Variants in EIF2AK4 observed in about 807,000 individuals in gnomAD.
EIF2AK4 encodes eIF-2-alpha kinase GCN2.
A neutral mutation model predicts 211.1 loss-of-function variants in EIF2AK4; 139 were observed. The observed-to-expected ratio is 0.66, with a 90% CI of 0.57 to 0.76. EIF2AK4 has a LOEUF of 0.76. Among genes scored for constraint, EIF2AK4 ranks in the 30% least tolerant of loss-of-function variants. The probability of loss-of-function intolerance (pLI) is 0.00; values close to 1 mark genes in which losing one functional copy is unlikely to be tolerated. For synonymous variants in EIF2AK4, 710 were observed against 751.3 expected (o/e 0.94, Z 0.90); for missense variants, 1,664 against 2,043.8 (o/e 0.81, Z 3.58).
At chr15:39,977,762 T>C (rs1313550335) in intron 12 of EIF2AK4, 1 of 184,266 alleles carries the variant, frequency 5.4e-6, no homozygotes, top group African/African-American at 2.3e-5. Context: ...CTAAATTTTA[T>C]GCTTCTCAGA....
At chr15:40,002,673 T>C in intron 21 of EIF2AK4, 40 bp from the exon 22 acceptor site, 1 of 1,604,188 alleles carries the variant, frequency 6.2e-7, no homozygotes, top group Non-Finnish European at 8.5e-7. Context: ...ATCCCTTTGA[T>C]AAGGCTTCAA....
At chr15:40,003,656 C>G (rs1437779867) in intron 23 of EIF2AK4, among the ~76,000 whole-genome samples, 2 of 152,200 alleles carry the variant, frequency 1.3e-5, no homozygotes, top group Non-Finnish European at 2.9e-5. Flanking sequence ...TTTTAACTTC[C>G]TGGCTAGATC....
At chr15:39,974,261 G>A (rs572471829) in intron 11 of EIF2AK4, 2 of 152,312 alleles carry the variant, frequency 1.3e-5, no homozygotes, top group African/African-American at 4.8e-5. Context: ...TCCTTTCTTC[G>A]TTCTAGTCTA....
At chr15:39,950,701 T>C (rs1178661691) in intron 4 of EIF2AK4, among the ~76,000 whole-genome samples, 1 of 152,144 alleles carries the variant, frequency 6.6e-6, no homozygotes, top group Non-Finnish European at 1.5e-5. Context: ...AATGTACTTA[T>C]TTTGATCCTT....
In EIF2AK4 at chr15:39,967,732, A is replaced by G. The variant is rs375720910; in HGVS notation, c.1406A>G (p.Asn469Ser). 1.9e-6 allele frequency: 3 copies of G among 1,614,158 alleles called. No homozygotes were observed. In the South Asian group the frequency reaches 3.3e-5, roughly 18 times the overall value. Reference protein sequence around the residue: ...FEQTRVRFSDNALPYKTGKKG... With the variant: ...FEQTRVRFSDSALPYKTGKKG... ...CAAACCCGAGTTCGTTTTAGTGACA[A>G]TGCTCTGCCTTATAAAACGGGGAAG... Residue 469 changes from asparagine (N) to serine (S), a missense_variant, in exon 9 of 39, where the codon AAT becomes AGT. Physicochemically the swap from Asn to Ser is conservative, Grantham distance 46. Coordinates refer to ENST00000263791, the MANE Select transcript of EIF2AK4 (RefSeq NM_001013703.4).
chr15:39,968,873 G>GATATATATATAT (rs376138307), intron 9 of EIF2AK4, among the ~76,000 whole-genome samples: 2,005 of 147,090 alleles, frequency 0.014, 16 homozygotes, highest in Middle Eastern at 0.035. Flanking sequence ...AAGTGAATAT[G>GATATATATATAT]ATATATATAT....
intron 6 of EIF2AK4, among the ~76,000 whole-genome samples, chr15:39,956,616 C>A (rs932676069): frequency 1.3e-5 from 2 of 152,204 alleles, no homozygotes; most frequent in African/African-American, 4.8e-5. Context: ...ACTACTTGTT[C>A]TTCTATATCT....
intron 18 of EIF2AK4, 59 bp downstream of exon 18, chr15:39,992,907 A>C: frequency 4.5e-6 from 7 of 1,540,176 alleles, no homozygotes; most frequent in Non-Finnish European, 4.5e-6. Context: ...CATCTAGATC[A>C]CAGCATTTGG....
At chr15:39,938,468 C>T (rs537929492) in intron 1 of EIF2AK4, among the ~76,000 whole-genome samples, 54 of 152,282 alleles carry the variant, frequency 3.5e-4, no homozygotes, top group African/African-American at 1.2e-3. Flanking sequence ...GTAAGGTTCA[C>T]GTTATAAATT....
chr15:40,014,894 A>C (rs8023482), intron 27 of EIF2AK4, among the ~76,000 whole-genome samples: 134,671 of 152,156 alleles, frequency 0.89, 59,863 homozygotes, highest in Non-Finnish European at 0.92. Context: ...TTAGAAATTT[A>C]TTCTGCCAGG....
At chr15:40,029,373 G>A (rs369650738) in intron 33 of EIF2AK4, 33 bp from the exon 34 acceptor site, 22 of 1,610,176 alleles carry the variant, frequency 1.4e-5, no homozygotes, top group Non-Finnish European at 1.9e-5. Flanking sequence ...CTTATTGACT[G>A]TTCTTTAATT....
chr15:40,001,633 C>CAAA (rs11383908), intron 21 of EIF2AK4, among the ~76,000 whole-genome samples: 107 of 120,242 alleles, frequency 8.9e-4, no homozygotes, highest in African/African-American at 1.8e-3. Context: ...GACCCCAACT[C>CAAA]AAAAAAAAAA....
intron 17 of EIF2AK4, 153 bp from the exon 18 acceptor site, chr15:39,992,616 T>G: frequency 1.5e-6 from 1 of 648,748 alleles, no homozygotes; most frequent in Non-Finnish European, 2.7e-6. Context: ...CTTATGGTTA[T>G]TCATTTGGTA....
At chr15:40,016,960 C>A in intron 28 of EIF2AK4, 148 bp from the exon 29 acceptor site, 1 of 1,097,992 alleles carries the variant, frequency 9.1e-7, no homozygotes, top group Non-Finnish European at 1.3e-6. Context: ...TATGGTTAAA[C>A]AGACTTTGAG....
chr15:39,985,988 T>C, intron 14 of EIF2AK4, 100 bp downstream of exon 14: 1 of 1,027,558 alleles, frequency 9.7e-7, no homozygotes, highest in Non-Finnish European at 1.4e-6. Flanking sequence ...AGAGGAGGGC[T>C]TATTGCCACT....
At chr15:40,017,084 T>C (rs763619100) in intron 28 of EIF2AK4, 24 bp from the exon 29 acceptor site, 18 of 1,600,408 alleles carry the variant, frequency 1.1e-5, no homozygotes, top group Admixed American at 1.7e-5. Context: ...CCTTGACACA[T>C]TTGTGTGGCA....
At chr15:39,963,649 A>T (rs1468832647) in intron 7 of EIF2AK4, among the ~76,000 whole-genome samples, 6 of 152,208 alleles carry the variant, frequency 3.9e-5, no homozygotes, top group Non-Finnish European at 8.8e-5. Flanking sequence ...ACTTACTTAT[A>T]GATATGACTA....
At chr15:39,972,385 A>G (rs2034637381) in intron 9 of EIF2AK4, among the ~76,000 whole-genome samples, 2 of 152,134 alleles carry the variant, frequency 1.3e-5, no homozygotes, top group African/African-American at 4.8e-5. Flanking sequence ...ATTTTTAAAA[A>G]AAGTATGCAA....
At chr15:39,940,821 G>A (rs1452704055) in intron 2 of EIF2AK4, among the ~76,000 whole-genome samples, 1 of 151,928 alleles carries the variant, frequency 6.6e-6, no homozygotes, top group African/African-American at 2.4e-5. Flanking sequence ...CCACAAGATT[G>A]CCTCCATTTC....
Sources: gnomAD v4.1 joint callset for allele counts (sites outside exome capture counted in the v4.1 genomes callset) on GRCh38, gnomAD v4.1.1 for gene constraint, MANE v1.5 for transcripts, NCBI Gene and HGNC (gene_info 2026-07-23, HGNC 2026-07-21) for gene names.